Variants in ESYT3 observed in about 807,000 individuals in gnomAD.
ESYT3 encodes the protein extended synaptotagmin 3.
In ESYT3, 101 loss-of-function variants were observed where a neutral mutation model predicts 111.5. That is an observed-to-expected ratio of 0.91 (90% confidence interval 0.77 to 1.07). The LOEUF (loss-of-function observed/expected upper bound fraction) is 1.07. Among genes scored for constraint, ESYT3 ranks in the 50% least tolerant of loss-of-function variants. The pLI, the probability that ESYT3 is intolerant of heterozygous loss-of-function variation, is 0.00. For missense variants in ESYT3, 1,097 were observed against 1,109.4 expected, an observed-to-expected ratio of 0.99 and a Z score of 0.16; for synonymous variants, 416 against 446.8, an observed-to-expected ratio of 0.93 and a Z score of 0.87.
chr3:138,467,724 A>G, intron 11 of ESYT3, 115 bp downstream of exon 11: 1 of 965,756 alleles, frequency 1.0e-6, no homozygotes, highest in Non-Finnish European at 1.6e-6. Context: ...CCTCTGTGCT[A>G]GGCTCCATCC....
chr3:138,464,849 C>A (rs1576455698), intron 9 of ESYT3, among the ~76,000 whole-genome samples: 1 of 152,238 alleles, frequency 6.6e-6, no homozygotes, highest in Non-Finnish European at 1.5e-5. Context: ...AGTTCAACCA[C>A]AATCCCTACT....
chr3:138,435,111 C>A lies in ESYT3; in HGVS notation c.313C>A (p.His105Asn). 41 of 1,584,112 alleles carry A rather than the reference C, an allele frequency of 2.6e-5. No homozygotes were observed. Among genetic ancestry groups the A allele is most frequent in the Non-Finnish European group, 3.3e-5 (39 of 1,166,978 alleles). The stretch of plus-strand genomic sequence containing the variant: ...CATCAGCCGCGAGCTGCGGGGCCAG[C>A]ACCTGCCAGCCTGGGTGAGCCAAGC... ...EFISRELRGQHLPAWIHFPDV... is the reference protein window; with the variant it reads ...EFISRELRGQNLPAWIHFPDV... The change falls in exon 1 of 23, where the codon CAC (histidine) becomes AAC (asparagine). Residue 105 changes from histidine (H) to asparagine (N), a missense_variant. Coordinates refer to ENST00000389567, the MANE Select transcript of ESYT3 (RefSeq NM_031913.5). The surrounding 1 kb of genome is among the most constrained non-coding windows in gnomAD (Gnocchi z 4.8).
intron 20 of ESYT3, chr3:138,474,795 TC>T (rs2033408962): frequency 6.5e-6 from 1 of 153,282 alleles, no homozygotes; most frequent in African/African-American, 2.4e-5. Flanking sequence ...GGAGATACCC[TC>T]CCCTTCTCCA....
chr3:138,455,331 G>C lies in ESYT3; in HGVS notation c.504+3G>C. Reference sequence around the variant, plus strand: ...CCAAGCTCTACTTTGGACAGAAGGTGGGTGTGTCTCGGGAGGGTCAGCCTG... The same window carrying C: ...CCAAGCTCTACTTTGGACAGAAGGTCGGTGTGTCTCGGGAGGGTCAGCCTG... On this transcript the variant is annotated splice_donor_region_variant and intron_variant, in intron 3 of 22. Transcript: ENST00000389567. The C allele has an allele frequency of 6.2e-7, 1 of 1,614,082 alleles. No individual in the cohort carries two copies. Among genetic ancestry groups the C allele is most frequent in the Non-Finnish European group, 8.5e-7 (1 of 1,179,970 alleles).
At chr3:138,471,139 G>A (rs2033199654) in intron 17 of ESYT3, 113 bp downstream of exon 17, 3 of 827,216 alleles carry the variant, frequency 3.6e-6, no homozygotes, top group South Asian at 3.2e-5. Context: ...GCCAGGAGAT[G>A]GATTCATGTT....
chr3:138,475,665 C>T (rs771273251), intron 20 of ESYT3, among the ~76,000 whole-genome samples: 9 of 152,064 alleles, frequency 5.9e-5, no homozygotes, highest in East Asian at 1.9e-4. Context: ...TGGTGGCTCA[C>T]GCCTGTAATC....
chr3:138,459,285 C>T (rs1218722659), intron 5 of ESYT3, 32 bp downstream of exon 5: 2 of 1,499,662 alleles, frequency 1.3e-6, no homozygotes, highest in East Asian at 2.4e-5. Flanking sequence ...TGCCTCTGTT[C>T]CAGCCCCCAG....
intron 14 of ESYT3, 57 bp downstream of exon 14, chr3:138,468,938 A>G: frequency 1.3e-6 from 2 of 1,554,916 alleles, no homozygotes; most frequent in Non-Finnish European, 1.8e-6. Flanking sequence ...TTCTCTCCCC[A>G]GAGTAACCAC....
chr3:138,445,836 G>C (rs528829544), intron 1 of ESYT3, among the ~76,000 whole-genome samples: 2 of 152,328 alleles, frequency 1.3e-5, no homozygotes, highest in Admixed American at 1.3e-4. Flanking sequence ...CCATCTCGCA[G>C]ATGAGAAAGC....
intron 5 of ESYT3, 130 bp downstream of exon 5, chr3:138,459,383 C>T (rs972359323): frequency 2.6e-5 from 17 of 652,056 alleles, no homozygotes; most frequent in Middle Eastern, 3.8e-4. Context: ...ATGGTGACTA[C>T]GGAGGAGCTG....
In ESYT3 at chr3:138,434,760, G is replaced by C; in HGVS notation, c.-39G>C. On this transcript the variant is annotated 5_prime_UTR_variant, in exon 1 of 23. Transcript: ENST00000389567. The stretch of plus-strand genomic sequence containing the variant: ...CGTGGGGGCATGCGGACCTAAGCTC[G>C]GGTGAAGCTCTCGGGAAGGGCAAGA... 1 of 1,479,788 alleles carries C rather than the reference G, an allele frequency of 6.8e-7. No individual in the cohort carries two copies. Among genetic ancestry groups the C allele is most frequent in the Non-Finnish European group, 8.9e-7 (1 of 1,119,512 alleles). The allele number at this position is 1,479,788 out of a possible 1,614,324, so 91.7% of individuals were successfully genotyped here.
intron 14 of ESYT3, 65 bp from the exon 15 acceptor site, chr3:138,469,371 G>T (rs1368839812): frequency 1.4e-6 from 2 of 1,428,404 alleles, no homozygotes; most frequent in Non-Finnish European, 2.0e-6. Context: ...GGGGTTGGGG[G>T]TAGGACTGTC....
chr3:138,471,156 C>T (rs774974778), intron 17 of ESYT3, 130 bp downstream of exon 17: 4 of 733,420 alleles, frequency 5.5e-6, no homozygotes, highest in Non-Finnish European at 9.1e-6. Context: ...TGTTTTTCAT[C>T]AATTTTGAAA....
intron 1 of ESYT3, among the ~76,000 whole-genome samples, chr3:138,438,800 TGGAA>T (rs933554365): frequency 7.2e-5 from 11 of 152,220 alleles, no homozygotes; most frequent in African/African-American, 2.7e-4. Context: ...GAGATATAGC[TGGAA>T]GGAAGAATTC....
intron 1 of ESYT3, among the ~76,000 whole-genome samples, chr3:138,445,549 C>T (rs1421362416): frequency 6.6e-6 from 1 of 152,222 alleles, no homozygotes; most frequent in Non-Finnish European, 1.5e-5. Flanking sequence ...CCTCCTCATT[C>T]TCTGTTCTCG....
At chr3:138,450,098 AG>A (rs1253835836) in intron 1 of ESYT3, among the ~76,000 whole-genome samples, 1 of 152,298 alleles carries the variant, frequency 6.6e-6, no homozygotes, top group East Asian at 1.9e-4. Flanking sequence ...AATCAATCAA[AG>A]GGGAGTAGGG....
Position 138,473,556 on chromosome 3 carries a change from G to T in ESYT3, c.2258G>T (p.Arg753Leu). ...LNIEGGDLRR[R>L]QLGEIQLTVR... is the part of the protein sequence containing the mutation. ...TACAGAGGTGGGGACCTCAGGCGAC[G>T]GCAGCTGGGTGAGATTCAGCTCACA... Residue 753 changes from arginine (R) to leucine (L), a missense_variant, in exon 19 of 23, where the codon CGG (arginine) becomes CTG (leucine). Coordinates refer to ENST00000389567, the MANE Select transcript of ESYT3 (RefSeq NM_031913.5). The T allele has an allele frequency of 6.2e-7, 1 of 1,613,584 alleles. No homozygotes were observed. The highest frequency in any genetic ancestry group is 8.5e-7 in the Non-Finnish European group (1 of 1,179,608).
intron 7 of ESYT3, among the ~76,000 whole-genome samples, chr3:138,460,898 C>T (rs1440823401): frequency 6.6e-6 from 1 of 152,220 alleles, no homozygotes; most frequent in Non-Finnish European, 1.5e-5. Flanking sequence ...CCACACACCA[C>T]ACCCATGTAG....
chr3:138,471,040 G>A lies in ESYT3; in HGVS notation c.1740+14G>A, dbSNP rs373140311. On this transcript the variant is annotated intron_variant, in intron 17 of 22. Transcript: ENST00000389567. ...CTGGTGCTTCGGGTAAATCTCTCCGGTCCCCTGGGGGAGGGGAGGAATAGA... is the reference window on the plus strand; with the variant it reads ...CTGGTGCTTCGGGTAAATCTCTCCGATCCCCTGGGGGAGGGGAGGAATAGA... The A allele has an allele frequency of 9.4e-6, 15 of 1,601,234 alleles. No individual in the cohort carries two copies. The African/African-American group carries it at 1.7e-4, about 19-fold the overall frequency.
Sources: gnomAD v4.1 joint callset for allele counts (sites outside exome capture counted in the v4.1 genomes callset) on GRCh38, gnomAD v4.1.1 for gene constraint, Gnocchi (gnomAD v3.1) non-coding constraint, MANE v1.5 for transcripts, NCBI Gene and HGNC (gene_info 2026-07-23, HGNC 2026-07-21) for gene names.